The following GPR158 variants were observed in gnomAD, a reference collection of about 807,000 sequenced individuals.
GPR158 encodes the protein metabotropic glycine receptor.
In GPR158, 30 loss-of-function variants were observed where a neutral mutation model predicts 78.2. The ratio of observed to expected loss-of-function variants is 0.38; its 90% CI spans 0.29 to 0.52. The LOEUF (loss-of-function observed/expected upper bound fraction) is 0.52, where lower values mean the gene tolerates loss of function less well. Ranked by LOEUF, GPR158 falls within the 20% of genes least tolerant of loss-of-function variation. The pLI, the probability that GPR158 is intolerant of heterozygous loss-of-function variation, is 0.83. For synonymous variants in GPR158, 581 were observed against 591.1 expected (o/e 0.98, Z 0.25); for missense variants, 1,463 against 1,523.5 (o/e 0.96, Z 0.66).
At chr10:25,534,416 G>A (rs1050599809) in intron 5 of GPR158, among the ~76,000 whole-genome samples, 1 of 152,032 alleles carries the variant, frequency 6.6e-6, no homozygotes, top group African/African-American at 2.4e-5. Flanking sequence ...GAGGCAGGCA[G>A]ATTACTTGAG....
intron 2 of GPR158, among the ~76,000 whole-genome samples, chr10:25,363,418 T>TA (rs1855671367): frequency 6.6e-6 from 1 of 151,962 alleles, no homozygotes; most frequent in South Asian, 2.1e-4. Flanking sequence ...ATGTGTGACC[T>TA]AAGATGAATT....
At chr10:25,268,662 A>G (rs143762916) in intron 2 of GPR158, among the ~76,000 whole-genome samples, 9 of 152,214 alleles carry the variant, frequency 5.9e-5, no homozygotes, top group African/African-American at 1.9e-4. Flanking sequence ...CCACGAAAAT[A>G]GTTTCTATTT....
intron 4 of GPR158, among the ~76,000 whole-genome samples, chr10:25,434,828 A>G (rs1834975714): frequency 6.6e-6 from 1 of 152,198 alleles, no homozygotes; most frequent in African/African-American, 2.4e-5. Flanking sequence ...TAATAAACCT[A>G]GTCTCCTAGG....
intron 2 of GPR158, among the ~76,000 whole-genome samples, chr10:25,226,002 G>A (rs370992377): frequency 3.2e-4 from 49 of 152,250 alleles, no homozygotes; most frequent in South Asian, 1.9e-3. Context: ...CTTTTCTAGA[G>A]ATCTTTCATT....
At chr10:25,227,792 T>C (rs1275681147) in intron 2 of GPR158, among the ~76,000 whole-genome samples, 1 of 152,200 alleles carries the variant, frequency 6.6e-6, no homozygotes, top group Non-Finnish European at 1.5e-5. Context: ...CTAAATTTTC[T>C]AGGTGATATG....
At position 25,558,229 on chromosome 10, in the gene GPR158, G is replaced by A. The variant is rs141617296; in HGVS notation, c.1514+7144G>A. On this transcript the variant is annotated intron_variant, in intron 6 of 10. Transcript: ENST00000376351. ...CAACTTGTTATATGTGCGTGCGCAC[G>A]TGAGTGTGTGTTCCAACCAACTTTA... 6.7e-3 allele frequency among the ~76,000 whole-genome samples: 1,019 copies of A among 152,310 alleles called. 4 individuals are homozygous for A. The highest frequency in any genetic ancestry group is 0.011 in the Non-Finnish European group (730 of 68,030).
chr10:25,252,623 CTCAGGGG>C (rs1380871720), intron 2 of GPR158, among the ~76,000 whole-genome samples: 1 of 152,022 alleles, frequency 6.6e-6, no homozygotes, highest in African/African-American at 2.4e-5. Context: ...AGTTAGGCTG[CTCAGGGG>C]TCAGGGGTCA....
intron 1 of GPR158, among the ~76,000 whole-genome samples, chr10:25,211,454 C>G (rs1034598922): frequency 6.6e-6 from 1 of 152,136 alleles, no homozygotes; most frequent in Non-Finnish European, 1.5e-5. Context: ...AGAGCCTACT[C>G]GTGCACAGGA....
chr10:25,202,478 C>T (rs564658508), intron 1 of GPR158, among the ~76,000 whole-genome samples: 1 of 152,244 alleles, frequency 6.6e-6, no homozygotes, highest in Admixed American at 6.5e-5. Context: ...TGTTCAATTC[C>T]CACCTATGAG....
At chr10:25,203,738 G>A (rs1168717432) in intron 1 of GPR158, among the ~76,000 whole-genome samples, 1 of 144,674 alleles carries the variant, frequency 6.9e-6, no homozygotes, top group Non-Finnish European at 1.5e-5. Flanking sequence ...GGTAATGCAG[G>A]CTCTTTTTTT....
chr10:25,228,987 A>C (rs976583408), intron 2 of GPR158, among the ~76,000 whole-genome samples: 1 of 151,174 alleles, frequency 6.6e-6, no homozygotes. Context: ...GTGAGCTGAG[A>C]TCGTGCCACT....
At chr10:25,449,535 A>T (rs141364048) in intron 4 of GPR158, among the ~76,000 whole-genome samples, 1 of 152,214 alleles carries the variant, frequency 6.6e-6, no homozygotes, top group Non-Finnish European at 1.5e-5. Context: ...ACATCACCCA[A>T]TGTGGTTAGT....
At chr10:25,471,204 T>A (rs551377757) in intron 5 of GPR158, among the ~76,000 whole-genome samples, 1 of 149,146 alleles carries the variant, frequency 6.7e-6, no homozygotes, top group African/African-American at 2.5e-5. Flanking sequence ...TGAGAACATG[T>A]GGTGTTTGGT....
At chr10:25,309,278 G>A (rs893970472) in intron 2 of GPR158, among the ~76,000 whole-genome samples, 1 of 151,770 alleles carries the variant, frequency 6.6e-6, no homozygotes, top group Non-Finnish European at 1.5e-5. Context: ...TCTCATTGTG[G>A]TTTTTATTTG....
At chr10:25,191,121 G>T (rs978363001) in intron 1 of GPR158, among the ~76,000 whole-genome samples, 1 of 152,322 alleles carries the variant, frequency 6.6e-6, no homozygotes, top group Admixed American at 6.5e-5. Flanking sequence ...TGAAAAAGAG[G>T]CAAATAACAA....
intron 5 of GPR158, among the ~76,000 whole-genome samples, chr10:25,516,722 T>A (rs2130676406): frequency 9.5e-6 from 1 of 105,420 alleles, no homozygotes; most frequent in Non-Finnish European, 1.9e-5. Context: ...TCTGTTCCAT[T>A]GATCTATATC....
At position 25,273,475 on chromosome 10, in the gene GPR158, T is replaced by C. The variant is rs369088515; in HGVS notation, c.1008+52318T>C. Among the ~76,000 whole-genome samples, 74 of 138,170 alleles carry C rather than the reference T, an allele frequency of 5.4e-4. 1 individual carries two copies. The highest frequency in any genetic ancestry group is 1.8e-3 in the African/African-American group (66 of 36,796). The allele number at this position is 138,170 out of a possible 152,430, so 90.6% of individuals were successfully genotyped here. On this transcript the variant is annotated intron_variant, in intron 2 of 10. Coordinates refer to ENST00000376351, the MANE Select transcript of GPR158 (RefSeq NM_020752.3). ...TTGTTTTCCCATTATGTGTAGAAAA[T>C]AGCAGTTGGCATACTTTAAACGTAT...
intron 5 of GPR158, among the ~76,000 whole-genome samples, chr10:25,479,784 C>T (rs1289675692): frequency 1.3e-5 from 2 of 151,886 alleles, no homozygotes; most frequent in African/African-American, 4.8e-5. Context: ...TTTAAGACCC[C>T]TTTTATTTCT....
intron 2 of GPR158, among the ~76,000 whole-genome samples, chr10:25,323,982 A>C (rs112405937): frequency 0.015 from 2,329 of 152,288 alleles, 68 homozygotes; most frequent in African/African-American, 0.053. Context: ...CTTCTCTCAG[A>C]CTTCATAGAA....
Sources: gnomAD v4.1 joint callset for allele counts (sites outside exome capture counted in the v4.1 genomes callset) on GRCh38, gnomAD v4.1.1 for gene constraint, MANE v1.5 for transcripts, NCBI Gene and HGNC (gene_info 2026-07-23, HGNC 2026-07-21) for gene names.